PARD3B: variants seen among roughly 807,000 people sequenced by gnomAD.
PARD3B encodes the protein partitioning defective 3 homolog B.
In PARD3B, 103 loss-of-function variants were observed where a neutral mutation model predicts 130.2. The observed-to-expected ratio is 0.79, with a 90% CI of 0.67 to 0.93. The LOEUF is 0.93. Ranked by LOEUF, PARD3B falls within the 40% of genes least tolerant of loss-of-function variation. PARD3B has a pLI of 0.00. For missense variants in PARD3B, 1,609 were observed against 1,499.2 expected (o/e 1.07, Z -1.21); for synonymous variants, 583 against 553.2 (o/e 1.05, Z -0.76).
At chr2:205,290,660 G>A (rs1322900036) in intron 16 of PARD3B, among the ~76,000 whole-genome samples, 1 of 152,246 alleles carries the variant, frequency 6.6e-6, no homozygotes, top group Non-Finnish European at 1.5e-5. Flanking sequence ...GTCAAACACC[G>A]ATGAAATAGT....
At position 205,288,909 on chromosome 2, in the gene PARD3B, C is replaced by G. The variant is rs973636454; in HGVS notation, c.2186-11621C>G. ...AAATACTCCAGCCCTTAACTGTGCT[C>G]TATGTCAGCATTCTTGGTACGTGGT... On this transcript the variant is annotated intron_variant, in intron 16 of 22. Coordinates refer to ENST00000406610, the MANE Select transcript of PARD3B (RefSeq NM_001302769.2). This position sits in a 1 kb window ranked among gnomAD's most constrained non-coding sequence, Gnocchi z 4.0. Among the ~76,000 whole-genome samples the G allele has an allele frequency of 2.0e-5, 3 of 152,320 alleles. No individual in the cohort carries two copies. Among genetic ancestry groups the G allele is most frequent in the Admixed American group, 6.5e-5 (1 of 15,306 alleles).
At chr2:205,488,901 C>T (rs1422168746) in intron 20 of PARD3B, among the ~76,000 whole-genome samples, 1 of 152,158 alleles carries the variant, frequency 6.6e-6, no homozygotes, top group East Asian at 1.9e-4. Context: ...GATGCAGTAT[C>T]ACTATACTCC....
At chr2:205,491,368 G>A (rs961547974) in intron 20 of PARD3B, among the ~76,000 whole-genome samples, 8 of 151,992 alleles carry the variant, frequency 5.3e-5, no homozygotes, top group African/African-American at 1.4e-4. Context: ...ATAGGGAATT[G>A]TTTCCCCATT....
At chr2:204,578,081 C>T (rs2032361724) in intron 1 of PARD3B, among the ~76,000 whole-genome samples, 1 of 152,184 alleles carries the variant, frequency 6.6e-6, no homozygotes, top group African/African-American at 2.4e-5. Context: ...GCACTACCCA[C>T]AGCAAAGAAG....
chr2:204,838,349 A>ATGTGTGTG (rs55688873), intron 2 of PARD3B, among the ~76,000 whole-genome samples: 2,260 of 135,402 alleles, frequency 0.017, 69 homozygotes, highest in African/African-American at 0.056. Context: ...TACCTGGCTA[A>ATGTGTGTG]TGTGTGTGTG....
At position 204,953,208 on chromosome 2, in the gene PARD3B, C is replaced by T. The variant is rs566917356; in HGVS notation, c.223-11944C>T. 1.3e-4 allele frequency among the ~76,000 whole-genome samples: 19 copies of T among 151,860 alleles called. 1 individual carries two copies. The highest frequency in any genetic ancestry group is 3.4e-4 in the African/African-American group (14 of 41,394). The stretch of plus-strand genomic sequence containing the variant: ...ACTATGCAGAGACAACCTACACTTT[C>T]GTATGTCTGGAATGGGAGAATGCTA... On this transcript the variant is annotated intron_variant, in intron 2 of 22. Transcript: ENST00000406610.
At position 205,463,313 on chromosome 2, in the gene PARD3B, A is replaced by T. The variant is rs1329391892; in HGVS notation, c.3044+22641A>T. Among the ~76,000 whole-genome samples the T allele has an allele frequency of 2.6e-5, 4 of 152,158 alleles. No homozygotes were observed. The highest frequency in any genetic ancestry group is 5.9e-5 in the Non-Finnish European group (4 of 68,014). ...TAGGGGAACTCAGCTGAGGTGAGGA[A>T]CACGTCCACGAGTTTCCCCTGTGGG... On this transcript the variant is annotated intron_variant, in intron 20 of 22. Coordinates refer to ENST00000406610, the MANE Select transcript of PARD3B (RefSeq NM_001302769.2). This position sits in a 1 kb window ranked among gnomAD's most constrained non-coding sequence, Gnocchi z 4.8.
chr2:205,439,815 G>A (rs996467825), intron 19 of PARD3B, among the ~76,000 whole-genome samples: 3 of 152,112 alleles, frequency 2.0e-5, no homozygotes, highest in Non-Finnish European at 2.9e-5. Context: ...AAAACTTAGA[G>A]TCTCTTGTAA....
intron 3 of PARD3B, among the ~76,000 whole-genome samples, chr2:205,033,064 T>C (rs1559371636): frequency 6.6e-6 from 1 of 152,202 alleles, no homozygotes; most frequent in Non-Finnish European, 1.5e-5. Flanking sequence ...TTTTACAGGC[T>C]GTTCTCAACT....
chr2:204,950,640 CT>C (rs964731475), intron 2 of PARD3B, among the ~76,000 whole-genome samples: 1 of 152,114 alleles, frequency 6.6e-6, no homozygotes, highest in Non-Finnish European at 1.5e-5. Flanking sequence ...TGGAAAATAA[CT>C]TGTTTTTCAG....
In PARD3B at chr2:205,321,367, T is replaced by C. The variant is rs572974661; in HGVS notation, c.2630+19666T>C. Among the ~76,000 whole-genome samples, 158 of 152,244 alleles carry C rather than the reference T, an allele frequency of 1.0e-3. 1 individual carries two copies. The highest frequency in any genetic ancestry group is 3.7e-3 in the African/African-American group (152 of 41,570). On this transcript the variant is annotated intron_variant, in intron 18 of 22. Coordinates refer to ENST00000406610, the MANE Select transcript of PARD3B (RefSeq NM_001302769.2). The surrounding 1 kb of genome is among the most constrained non-coding windows in gnomAD (Gnocchi z 4.2). Reference sequence around the variant, plus strand: ...GACTTACAGTAAAAGCTACAAAAAATAGCACAAAGAATTTCCTTATACCTT... The same window carrying C: ...GACTTACAGTAAAAGCTACAAAAAACAGCACAAAGAATTTCCTTATACCTT...
intron 20 of PARD3B, among the ~76,000 whole-genome samples, chr2:205,484,967 C>A (rs2049382126): frequency 6.6e-6 from 1 of 152,130 alleles, no homozygotes; most frequent in Non-Finnish European, 1.5e-5. Context: ...GCCTAATTTT[C>A]CTTCTTCTTT....
chr2:204,817,077 T>C (rs2043174378), intron 2 of PARD3B, among the ~76,000 whole-genome samples: 1 of 152,176 alleles, frequency 6.6e-6, no homozygotes, highest in African/African-American at 2.4e-5. Context: ...TTTGTTGGGC[T>C]CTTTTTATAT....
intron 2 of PARD3B, among the ~76,000 whole-genome samples, chr2:204,915,757 T>C (rs1358141803): frequency 6.6e-6 from 1 of 152,230 alleles, no homozygotes; most frequent in Non-Finnish European, 1.5e-5. Context: ...CTTTGGCTAA[T>C]TAATACTCGA....
chr2:205,387,745 TA>T (rs1273149052), intron 18 of PARD3B, among the ~76,000 whole-genome samples: 1 of 152,102 alleles, frequency 6.6e-6, no homozygotes, highest in East Asian at 1.9e-4. Context: ...AGTTTAGAAA[TA>T]CTAAAAATGG....
Position 205,585,789 on chromosome 2 carries a change from G to A in PARD3B, c.3261-29667G>A, listed in dbSNP as rs1255807251. 6.6e-6 allele frequency among the ~76,000 whole-genome samples: 1 copy of A among 152,158 alleles called. No individual in the cohort carries two copies. The highest frequency in any genetic ancestry group is 1.9e-4 in the East Asian group (1 of 5,194). On this transcript the variant is annotated intron_variant, in intron 22 of 22. Transcript: ENST00000406610. The surrounding 1 kb of genome is among the most constrained non-coding windows in gnomAD (Gnocchi z 5.4). ...CACATTTCAGGAAGGGCTTTGAACT[G>A]GATTTCGGTAGCTTTGTGGGCTCTT... is the stretch of plus-strand genomic sequence containing the variant.
At chr2:205,468,961 CTCTA>C (rs1165299363) in intron 20 of PARD3B, among the ~76,000 whole-genome samples, 4 of 151,890 alleles carry the variant, frequency 2.6e-5, no homozygotes, top group African/African-American at 4.8e-5. Flanking sequence ...CATTTTTCCC[CTCTA>C]TCTTTTTTTT....
At chr2:204,864,707 T>C (rs2045342848) in intron 2 of PARD3B, among the ~76,000 whole-genome samples, 1 of 152,176 alleles carries the variant, frequency 6.6e-6, no homozygotes, top group Non-Finnish European at 1.5e-5. Flanking sequence ...TCTCCCACTT[T>C]TGAATGTAAA....
intron 4 of PARD3B, among the ~76,000 whole-genome samples, chr2:205,050,271 C>T (rs142399754): frequency 8.9e-4 from 134 of 151,354 alleles, no homozygotes; most frequent in African/African-American, 3.1e-3. Context: ...GAGCATCTAC[C>T]AGGGAAATGT....
Sources: gnomAD v4.1 joint callset for allele counts (sites outside exome capture counted in the v4.1 genomes callset) on GRCh38, gnomAD v4.1.1 for gene constraint, Gnocchi (gnomAD v3.1) non-coding constraint, MANE v1.5 for transcripts, NCBI Gene and HGNC (gene_info 2026-07-23, HGNC 2026-07-21) for gene names.